The following WSB2 variants were observed in gnomAD, a reference collection of about 807,000 sequenced individuals.
The protein encoded by WSB2 is WD repeat and SOCS box-containing protein 2.
Under a neutral mutation model 48.8 loss-of-function variants are expected in WSB2, and 12 were observed. The ratio of observed to expected loss-of-function variants is 0.25; its 90% CI spans 0.16 to 0.40. WSB2 has a LOEUF of 0.40. Ranked by LOEUF, WSB2 falls within the 10% of genes least tolerant of loss-of-function variation. WSB2 has a pLI of 1.00. For missense variants in WSB2, 317 were observed against 506.2 expected, an observed-to-expected ratio of 0.63 and a Z score of 3.59; for synonymous variants, 191 against 203.1, an observed-to-expected ratio of 0.94 and a Z score of 0.51.
In WSB2 at chr12:118,033,814, C is replaced by T. The variant is rs569263679; in HGVS notation, c.*382G>A. ...ACTAGGCAGAAGCCATCGTTCCCAG[C>T]GGAGGGAGTGTGAGCTGCTCTGCCA... On this transcript the variant is annotated 3_prime_UTR_variant, in exon 9 of 9. Coordinates refer to ENST00000315436, the MANE Select transcript of WSB2 (RefSeq NM_018639.5). The T allele has an allele frequency of 1.1e-4, 25 of 233,162 alleles. No individual in the cohort carries two copies. The highest frequency in any genetic ancestry group is 1.7e-3 in the Middle Eastern group (1 of 580). The allele number at this position is 233,162 out of a possible 1,614,324, so 14.4% of individuals were successfully genotyped here.
intron 2 of WSB2, among the ~76,000 whole-genome samples, chr12:118,049,853 TC>T (rs1414713764): frequency 6.6e-6 from 1 of 152,072 alleles, no homozygotes; most frequent in African/African-American, 2.4e-5. Flanking sequence ...AAGTTTCATA[TC>T]CAACTTATAA....
chr12:118,052,190 T>C (rs1343308061), intron 2 of WSB2, 120 bp downstream of exon 2: 5 of 1,351,100 alleles, frequency 3.7e-6, no homozygotes, highest in Admixed American at 5.3e-5. Flanking sequence ...GAAACCCCCA[T>C]GATCAATTCC....
At chr12:118,037,448 C>T (rs1386489688) in intron 5 of WSB2, among the ~76,000 whole-genome samples, 1 of 152,110 alleles carries the variant, frequency 6.6e-6, no homozygotes, top group Non-Finnish European at 1.5e-5. Flanking sequence ...GGGCGGATCA[C>T]CTGAGGTCAG....
chr12:118,039,746 T>G (rs1372714473), intron 4 of WSB2, among the ~76,000 whole-genome samples: 2 of 151,694 alleles, frequency 1.3e-5, no homozygotes, highest in Non-Finnish European at 2.9e-5. Flanking sequence ...TCTTTTTTAT[T>G]TTTTTTTATT....
intron 2 of WSB2, among the ~76,000 whole-genome samples, chr12:118,044,666 A>G (rs1235090798): frequency 6.6e-6 from 1 of 152,186 alleles, no homozygotes; most frequent in Non-Finnish European, 1.5e-5. Flanking sequence ...ACTTACAGTG[A>G]AACAGGCCCA....
At position 118,052,499 on chromosome 12, in the gene WSB2, C is replaced by T. The variant is rs142866164; in HGVS notation, c.14-21G>A. The T allele has an allele frequency of 8.6e-5, 138 of 1,613,240 alleles. No homozygotes were observed. The East Asian group carries it at 1.6e-3, about 19-fold the overall frequency. On this transcript the variant is annotated intron_variant, in intron 1 of 8. Coordinates refer to ENST00000315436, the MANE Select transcript of WSB2 (RefSeq NM_018639.5). ...TTCCTCTGGGGCAGGAGACAACATG[C>T]TTCAAACACACACCCCCTTGCTCCC...
intron 7 of WSB2, 33 bp from the exon 8 acceptor site, chr12:118,035,126 C>T: frequency 6.2e-7 from 1 of 1,613,286 alleles, no homozygotes; most frequent in Non-Finnish European, 8.5e-7. Context: ...TGGATATTAG[C>T]TGACCCAGGG....
chr12:118,036,853 G>A (rs545955402), intron 5 of WSB2, among the ~76,000 whole-genome samples: 1 of 152,296 alleles, frequency 6.6e-6, no homozygotes, highest in South Asian at 2.1e-4. Flanking sequence ...TGCTGATGAA[G>A]ACCTGAGCCA....
In WSB2 at chr12:118,034,171, A is replaced by G. The variant is rs2031445028; in HGVS notation, c.*25T>C. 1 of 1,613,758 alleles carries G rather than the reference A, an allele frequency of 6.2e-7. No homozygotes were observed. The highest frequency in any genetic ancestry group is 1.7e-5 in the Admixed American group (1 of 60,018). ...TTGACAGGACGATTTACCCTGCTAC[A>G]AAGAAGCACAAGATGTGGTGTTGCT... On this transcript the variant is annotated 3_prime_UTR_variant, in exon 9 of 9. Transcript: ENST00000315436.
chr12:118,052,437 G>C lies in WSB2; in HGVS notation c.55C>G (p.His19Asp). 3 of 1,614,100 alleles carry C rather than the reference G, an allele frequency of 1.9e-6. No homozygotes were observed. The highest frequency in any genetic ancestry group is 1.3e-5 in the African/African-American group (1 of 75,016). The change falls in exon 2 of 9, where the codon CAC becomes GAC. Residue 19 changes from histidine (H) to aspartate (D), a missense_variant. Physicochemically the swap from His to Asp is moderately conservative, Grantham distance 81. Around this residue, in one of 2 missense-constraint regions of WSB2, gnomAD observed 128 missense variants for 156.7 expected, o/e 0.82. Transcript: ENST00000315436. ...CAGCTGGACTTCCAATCAAACTGGT[G>C]GGGGCGCCCGGGCTTGAGTTCGGCC... ...LLAELKPGRPHQFDWKSSCET... is the reference protein window; with the variant it reads ...LLAELKPGRPDQFDWKSSCET...
chr12:118,035,182 T>C, intron 7 of WSB2, 32 bp downstream of exon 7: 1 of 1,613,724 alleles, frequency 6.2e-7, no homozygotes, highest in Non-Finnish European at 8.5e-7. Flanking sequence ...GCACTTGTTC[T>C]GAGGCCATGT....
intron 5 of WSB2, chr12:118,038,047 A>G (rs774629883): frequency 2.9e-4 from 112 of 382,514 alleles, no homozygotes; most frequent in Non-Finnish European, 4.4e-4. Flanking sequence ...TTGTTTTCCC[A>G]TTTTATAAAG....
In WSB2 at chr12:118,052,317, C is replaced by T. The variant is rs2031869180; in HGVS notation, c.175G>A (p.Glu59Lys). ...CAGTACGAGAATACTTACAACTGCT[C>T]CTCCAACGGCCAGGGGATCAGTTTG... is the stretch of plus-strand genomic sequence containing the variant. ...IVKLIPWPLE[E>K]QFIPKGFEAK... The change falls in exon 2 of 9, where the codon GAG becomes AAG. Residue 59 changes from glutamate (E) to lysine (K), a missense_variant. Coordinates refer to ENST00000315436, the MANE Select transcript of WSB2 (RefSeq NM_018639.5). The T allele has an allele frequency of 1.2e-6, 2 of 1,613,800 alleles. No homozygotes were observed. The highest frequency in any genetic ancestry group is 1.7e-5 in the Admixed American group (1 of 59,990).
At chr12:118,047,236 CAG>C (rs1240000853) in intron 2 of WSB2, among the ~76,000 whole-genome samples, 1 of 152,106 alleles carries the variant, frequency 6.6e-6, no homozygotes, top group African/African-American at 2.4e-5. Context: ...GTCACAAAAT[CAG>C]GGGCAGAACT....
chr12:118,058,757 C>T (rs1000862260), intron 1 of WSB2, among the ~76,000 whole-genome samples: 14 of 150,602 alleles, frequency 9.3e-5, no homozygotes, highest in Non-Finnish European at 1.5e-4. Context: ...AGTGCAATGG[C>T]GAGATCTTGG....
chr12:118,037,678 A>AAAAAG (rs1162965546), intron 5 of WSB2, among the ~76,000 whole-genome samples: 10 of 151,462 alleles, frequency 6.6e-5, no homozygotes, highest in East Asian at 1.9e-4. Flanking sequence ...AAAAAAAAAA[A>AAAAAG]AAAAGAAAAG....
intron 5 of WSB2, among the ~76,000 whole-genome samples, chr12:118,037,008 C>G (rs2031526531): frequency 6.6e-6 from 1 of 152,022 alleles, no homozygotes; most frequent in African/African-American, 2.4e-5. Context: ...ATGGCAAAAC[C>G]CCATCTCTAC....
At chr12:118,061,965 G>T (rs2032079240), upstream of WSB2, 1 of 838,508 alleles carries the variant, frequency 1.2e-6, no homozygotes, top group Middle Eastern at 3.0e-4. Flanking sequence ...CAATGGCTCC[G>T]GTAATGGGAG....
intron 4 of WSB2, among the ~76,000 whole-genome samples, chr12:118,042,169 TA>T (rs1480514845): frequency 2.6e-5 from 4 of 152,222 alleles, no homozygotes; most frequent in African/African-American, 9.6e-5. Flanking sequence ...TGATGCCCCA[TA>T]GCCTGAGAGA....
Sources: allele counts gnomAD v4.1 joint callset (sites outside exome capture counted in the v4.1 genomes callset), GRCh38; gene constraint gnomAD v4.1.1; regional missense constraint gnomAD v4.1.1; transcripts MANE v1.5; gene names NCBI Gene and HGNC (gene_info 2026-07-23, HGNC 2026-07-21).